The following PALM2AKAP2 variants were observed in gnomAD, a reference collection of about 807,000 sequenced individuals.
PALM2AKAP2 encodes PALM2-AKAP2 fusion protein.
Under a neutral mutation model 71.5 loss-of-function variants are expected in PALM2AKAP2, and 37 were observed. That is an observed-to-expected ratio of 0.52 (90% CI 0.40 to 0.68). PALM2AKAP2 has a LOEUF of 0.68. Among genes scored for constraint, PALM2AKAP2 ranks in the 30% least tolerant of loss-of-function variants. The pLI is 0.00. For missense variants in PALM2AKAP2, 1,224 were observed against 1,191.8 expected (o/e 1.03, Z -0.40); for synonymous variants, 468 against 478.8 (o/e 0.98, Z 0.29).
At chr9:110,023,395 A>G (rs1010088804) in intron 7 of PALM2AKAP2, among the ~76,000 whole-genome samples, 4 of 136,694 alleles carry the variant, frequency 2.9e-5, no homozygotes, top group East Asian at 2.2e-4. Context: ...GCTCACCACA[A>G]CCTCTACCTC....
At chr9:109,745,741 C>T (rs1017920739) in intron 1 of PALM2AKAP2, among the ~76,000 whole-genome samples, 2 of 152,160 alleles carry the variant, frequency 1.3e-5, no homozygotes, top group African/African-American at 4.8e-5. Flanking sequence ...CTCACATGAG[C>T]ACGCAGTGGT....
intron 1 of PALM2AKAP2, among the ~76,000 whole-genome samples, chr9:109,855,029 A>G (rs1829124716): frequency 6.6e-6 from 1 of 151,804 alleles, no homozygotes; most frequent in African/African-American, 2.4e-5. Context: ...CGGCCCCCCA[A>G]AGTACTGGGA....
rs56310157 is a variant in PALM2AKAP2, at chr9:110,157,390, T to TTTGTTGTTGTTG, written c.2748+909_2748+920dup. Among the ~76,000 whole-genome samples the TTTGTTGTTGTTG allele has an allele frequency of 9.1e-4, 137 of 149,804 alleles. 1 individual carries two copies. Among genetic ancestry groups the TTTGTTGTTGTTG allele is most frequent in the African/African-American group, 3.1e-3 (125 of 40,494 alleles). The stretch of plus-strand genomic sequence containing the variant: ...GGTTATTAATATCCCCTTCAACTCT[T>TTTGTTGTTGTTG]TTGTTGTTGTTGTTGTTGTTGTTGT... On this transcript the variant is annotated intron_variant, in intron 3 of 3. Transcript: ENST00000374525.
intron 3 of PALM2AKAP2, among the ~76,000 whole-genome samples, chr9:109,892,123 T>A (rs1292758138): frequency 6.6e-6 from 1 of 152,200 alleles, no homozygotes; most frequent in African/African-American, 2.4e-5. Flanking sequence ...GTTCGTGGCT[T>A]AAAACAGCTC....
chr9:110,004,201 A>G lies in PALM2AKAP2; in HGVS notation c.497-11753A>G, dbSNP rs190181984. ...CCTTTCCACGTTTAGTGCTTCCTTC[A>G]GGAGCTCTTTTAGGGCAGGCCTGGT... On this transcript the variant is annotated intron_variant, in intron 6 of 9. Coordinates refer to the PALM2AKAP2 transcript ENST00000302798. Among the ~76,000 whole-genome samples, 275 of 152,202 alleles carry G rather than the reference A, an allele frequency of 1.8e-3. 1 individual carries two copies. Among genetic ancestry groups the G allele is most frequent in the Middle Eastern group, 6.8e-3 (2 of 294 alleles).
chr9:109,786,800 A>C (rs994770536), intron 1 of PALM2AKAP2, among the ~76,000 whole-genome samples: 5 of 106,946 alleles, frequency 4.7e-5, no homozygotes, highest in African/African-American at 1.3e-4. Context: ...GTTATCATGG[A>C]AAAAAAAAGT....
At chr9:109,998,440 GA>G (rs1245236482) in intron 6 of PALM2AKAP2, among the ~76,000 whole-genome samples, 3 of 152,140 alleles carry the variant, frequency 2.0e-5, no homozygotes, top group Admixed American at 6.5e-5. Flanking sequence ...GGATGGATAG[GA>G]AGGCTGGAAG....
intron 6 of PALM2AKAP2, among the ~76,000 whole-genome samples, chr9:110,013,653 G>A (rs983492720): frequency 1.3e-5 from 2 of 152,196 alleles, no homozygotes; most frequent in African/African-American, 4.8e-5. Flanking sequence ...TTTGCACCAT[G>A]AATTGAATTA....
In PALM2AKAP2 at chr9:110,136,123, C is replaced by G; in HGVS notation, c.157-4C>G. The stretch of plus-strand genomic sequence containing the variant: ...CCCTGACTTTTGTTTACTCTTTATT[C>G]CAGAAGCCTCCCCAGCTTTCTGAGG... On this transcript the variant is annotated splice_polypyrimidine_tract_variant and splice_region_variant and intron_variant, in intron 1 of 3. Transcript: ENST00000374525. The G allele has an allele frequency of 6.4e-7, 1 of 1,560,638 alleles. No individual in the cohort carries two copies.
intron 1 of PALM2AKAP2, among the ~76,000 whole-genome samples, chr9:110,065,427 A>G (rs1302052497): frequency 1.3e-5 from 2 of 152,044 alleles, no homozygotes; most frequent in Non-Finnish European, 2.9e-5. Flanking sequence ...GGGTCACACC[A>G]TGTTGTCCAG....
intron 2 of PALM2AKAP2, among the ~76,000 whole-genome samples, chr9:109,873,751 G>A (rs1163448567): frequency 6.6e-6 from 1 of 152,114 alleles, no homozygotes; most frequent in Non-Finnish European, 1.5e-5. Context: ...GAAACAACAG[G>A]AGACTTATTA....
At chr9:110,156,724 G>A (rs1836467070) in intron 3 of PALM2AKAP2, among the ~76,000 whole-genome samples, 1 of 152,226 alleles carries the variant, frequency 6.6e-6, no homozygotes, top group African/African-American at 2.4e-5. Flanking sequence ...TTGCTGCCAA[G>A]TATAGCTGGA....
intron 1 of PALM2AKAP2, among the ~76,000 whole-genome samples, chr9:109,700,805 T>C (rs1307856264): frequency 6.6e-6 from 1 of 152,232 alleles, no homozygotes; most frequent in East Asian, 1.9e-4. Context: ...AAAGCAGATG[T>C]ATTATTTCTC....
chr9:110,131,339 C>A (rs1042644147), intron 1 of PALM2AKAP2, among the ~76,000 whole-genome samples: 1 of 152,160 alleles, frequency 6.6e-6, no homozygotes, highest in African/African-American at 2.4e-5. Flanking sequence ...TTAGAAAACC[C>A]AGTTTGATGA....
At chr9:109,767,257 C>A (rs1044523059) in intron 1 of PALM2AKAP2, among the ~76,000 whole-genome samples, 3 of 152,188 alleles carry the variant, frequency 2.0e-5, no homozygotes, top group Admixed American at 6.5e-5. Context: ...CTCCCTCCAA[C>A]CCCAGAGTGA....
intron 6 of PALM2AKAP2, among the ~76,000 whole-genome samples, chr9:109,995,505 C>T (rs1832556628): frequency 6.6e-6 from 1 of 152,204 alleles, no homozygotes; most frequent in South Asian, 2.1e-4. Context: ...ATTTAATTGG[C>T]TCACAGTTCC....
chr9:109,722,626 G>A (rs1176424489), intron 1 of PALM2AKAP2, among the ~76,000 whole-genome samples: 2 of 152,036 alleles, frequency 1.3e-5, no homozygotes, highest in African/African-American at 4.8e-5. Context: ...ATGAAAATTA[G>A]CCAGGCGTGG....
At chr9:109,895,250 C>A (rs1293091236) in intron 3 of PALM2AKAP2, among the ~76,000 whole-genome samples, 5 of 152,352 alleles carry the variant, frequency 3.3e-5, no homozygotes, top group African/African-American at 1.2e-4. Context: ...ATAAACATGA[C>A]TTTGCGGGGG....
chr9:110,137,809 C>A, exon 2 of PALM2AKAP2: 1 of 1,614,068 alleles, frequency 6.2e-7, no homozygotes, highest in Non-Finnish European at 8.5e-7. Flanking sequence ...TTTCTCTGCC[C>A]CAGACACCAC....
Sources: gnomAD v4.1 joint callset for allele counts (sites outside exome capture counted in the v4.1 genomes callset) on GRCh38, gnomAD v4.1.1 for gene constraint, MANE v1.5 for transcripts, NCBI Gene and HGNC (gene_info 2026-07-23, HGNC 2026-07-21) for gene names.